CERS6: variants seen among roughly 807,000 people sequenced by gnomAD.
CERS6 encodes the protein ceramide synthase 6, also known as LAG1 homolog, ceramide synthase 6.
Under a neutral mutation model 56.8 loss-of-function variants are expected in CERS6, and 26 were observed. That is an observed-to-expected ratio of 0.46 (90% CI 0.34 to 0.63). The LOEUF (loss-of-function observed/expected upper bound fraction) is 0.63, where lower values mean the gene tolerates loss of function less well. Ranked by LOEUF, CERS6 falls within the 30% of genes least tolerant of loss-of-function variation. The pLI, the probability that CERS6 is intolerant of heterozygous loss-of-function variation, is 0.01. For missense variants in CERS6, 415 were observed against 467.5 expected (o/e 0.89, Z 1.04); for synonymous variants, 164 against 173.3 (o/e 0.95, Z 0.42).
intron 4 of CERS6, among the ~76,000 whole-genome samples, chr2:168,674,395 T>G (rs1053383675): frequency 6.6e-6 from 1 of 152,190 alleles, no homozygotes; most frequent in Non-Finnish European, 1.5e-5. Context: ...ATTGCTAACC[T>G]TAACAAAAAG....
chr2:168,567,087 A>G lies in CERS6; in HGVS notation c.407+5765A>G, dbSNP rs557176638. ...TAAATGCTGATTATAAGTCTGGGGA[A>G]AAAATCATAAGATTGGTGGACAGTC... On this transcript the variant is annotated intron_variant, in intron 3 of 9. Transcript: ENST00000305747. Among the ~76,000 whole-genome samples the G allele has an allele frequency of 3.9e-5, 6 of 152,350 alleles. No individual in the cohort carries two copies. The East Asian group carries it at 1.2e-3, about 29-fold the overall frequency.
chr2:168,486,465 G>T (rs1415094039), intron 1 of CERS6, among the ~76,000 whole-genome samples: 1 of 146,844 alleles, frequency 6.8e-6, no homozygotes, highest in Non-Finnish European at 1.5e-5. Flanking sequence ...TGCATTCTAT[G>T]TTTGGATCTG....
chr2:168,620,536 T>C (rs1270569439), intron 3 of CERS6, among the ~76,000 whole-genome samples: 1 of 152,184 alleles, frequency 6.6e-6, no homozygotes, highest in East Asian at 1.9e-4. Context: ...CGAATTCCCC[T>C]AACAACCTTA....
chr2:168,744,828 T>C (rs1684051913), intron 8 of CERS6, among the ~76,000 whole-genome samples: 1 of 152,118 alleles, frequency 6.6e-6, no homozygotes, highest in Non-Finnish European at 1.5e-5. Context: ...TGAGTACTGA[T>C]GGGAAATAGA....
chr2:168,568,630 C>T (rs1477443310), intron 3 of CERS6, among the ~76,000 whole-genome samples: 1 of 152,206 alleles, frequency 6.6e-6, no homozygotes, highest in African/African-American at 2.4e-5. Context: ...TGTGTCTGTA[C>T]TTGGCACCTG....
chr2:168,733,467 T>C (rs1683612087), intron 8 of CERS6, among the ~76,000 whole-genome samples: 1 of 152,194 alleles, frequency 6.6e-6, no homozygotes, highest in Admixed American at 6.5e-5. Context: ...CTGTTCCCAG[T>C]ATGCAATGAC....
At chr2:168,744,338 A>C (rs955295982) in intron 8 of CERS6, among the ~76,000 whole-genome samples, 1 of 151,346 alleles carries the variant, frequency 6.6e-6, no homozygotes, top group African/African-American at 2.4e-5. Flanking sequence ...ATCATTCTTT[A>C]TATGAACTAC....
intron 3 of CERS6, among the ~76,000 whole-genome samples, chr2:168,599,958 TTAA>T (rs1362994354): frequency 6.6e-6 from 1 of 152,158 alleles, no homozygotes; most frequent in Non-Finnish European, 1.5e-5. Flanking sequence ...TGACTTCCCC[TTAA>T]TAAACCTAAG....
chr2:168,672,017 A>T (rs901122991), intron 4 of CERS6, among the ~76,000 whole-genome samples: 3 of 152,222 alleles, frequency 2.0e-5, no homozygotes, highest in African/African-American at 7.2e-5. Context: ...TCTAGATAAT[A>T]CTTCTCAAAG....
chr2:168,496,141 CTA>C (rs1345101945), intron 1 of CERS6, among the ~76,000 whole-genome samples: 1 of 152,174 alleles, frequency 6.6e-6, no homozygotes, highest in Non-Finnish European at 1.5e-5. Context: ...GTGCCACATG[CTA>C]TATATCAGTT....
chr2:168,492,697 T>C (rs548500435), intron 1 of CERS6, among the ~76,000 whole-genome samples: 1 of 152,208 alleles, frequency 6.6e-6, no homozygotes, highest in Non-Finnish European at 1.5e-5. Flanking sequence ...GCCATGCCTA[T>C]GTCCTGAATG....
intron 9 of CERS6, among the ~76,000 whole-genome samples, chr2:168,766,146 A>T (rs529432834): frequency 7.9e-5 from 12 of 152,282 alleles, no homozygotes; most frequent in African/African-American, 2.9e-4. Context: ...AAATCTGTTC[A>T]TGACTTCCAA....
At chr2:168,568,044 C>T (rs1373442687) in intron 3 of CERS6, among the ~76,000 whole-genome samples, 1 of 152,148 alleles carries the variant, frequency 6.6e-6, no homozygotes, top group Non-Finnish European at 1.5e-5. Context: ...TAGAACAAGC[C>T]TCACACATTC....
chr2:168,670,395 C>A (rs1302756359), intron 4 of CERS6, among the ~76,000 whole-genome samples: 2 of 152,124 alleles, frequency 1.3e-5, no homozygotes, highest in Non-Finnish European at 2.9e-5. Flanking sequence ...ATCCCCATCC[C>A]AGAGCTCTTT....
At position 168,770,492 on chromosome 2, in the gene CERS6, A is replaced by G. The variant is rs909314485; in HGVS notation, c.*830A>G. On this transcript the variant is annotated 3_prime_UTR_variant, in exon 10 of 10. Coordinates refer to ENST00000305747, the MANE Select transcript of CERS6 (RefSeq NM_203463.3). ...ATAAACAAGGAAATCACTGTTAAGA[A>G]TGGGAATTTGTCCTGTGTTCTGGGA... 8 of 152,740 alleles carry G rather than the reference A, an allele frequency of 5.2e-5. No individual in the cohort carries two copies. Among genetic ancestry groups the G allele is most frequent in the African/African-American group, 1.7e-4 (7 of 41,576 alleles). The allele number at this position is 152,740 out of a possible 1,614,324, so 9.5% of individuals were successfully genotyped here. A position where few individuals can be genotyped will look rare whatever the true frequency, so the allele number is the denominator to read the frequency against.
intron 1 of CERS6, among the ~76,000 whole-genome samples, chr2:168,462,457 G>GT (rs1199706555): frequency 6.6e-6 from 1 of 151,916 alleles, no homozygotes; most frequent in Non-Finnish European, 1.5e-5. Flanking sequence ...GATTTCATAA[G>GT]TTTTTTTTGG....
In CERS6 at chr2:168,658,283, T is replaced by G. The variant is rs547578125; in HGVS notation, c.465+27241T>G. On this transcript the variant is annotated intron_variant, in intron 4 of 9. Transcript: ENST00000305747. Reference sequence around the variant, plus strand: ...ATACAACAGGTTTTCTCTTTTAGGGTCCTTGACGAGATCCCAAGGAAGTAG... The same window carrying G: ...ATACAACAGGTTTTCTCTTTTAGGGGCCTTGACGAGATCCCAAGGAAGTAG... Among the ~76,000 whole-genome samples, 14 of 152,276 alleles carry G rather than the reference T, an allele frequency of 9.2e-5. No homozygotes were observed. The East Asian group carries it at 2.5e-3, about 27-fold the overall frequency.
At chr2:168,655,204 G>A (rs1018220453) in intron 4 of CERS6, among the ~76,000 whole-genome samples, 2 of 151,990 alleles carry the variant, frequency 1.3e-5, no homozygotes, top group East Asian at 1.9e-4. Context: ...CACCTCTTAC[G>A]ATGGCTTTTA....
intron 8 of CERS6, among the ~76,000 whole-genome samples, chr2:168,719,750 C>G (rs62174436): frequency 0.029 from 4,448 of 152,276 alleles, 90 homozygotes; most frequent in East Asian, 0.068. Flanking sequence ...GAACCATGCA[C>G]TGCTCCTCCA....
Sources: gnomAD v4.1 joint callset for allele counts (sites outside exome capture counted in the v4.1 genomes callset) on GRCh38, gnomAD v4.1.1 for gene constraint, MANE v1.5 for transcripts, NCBI Gene and HGNC (gene_info 2026-07-23, HGNC 2026-07-21) for gene names.